Variants in PAN2 observed in about 807,000 individuals in gnomAD.
PAN2 encodes PAN2-PAN3 deadenylation complex catalytic subunit PAN2.
A neutral mutation model predicts 133.3 loss-of-function variants in PAN2; 68 were observed. That is an observed-to-expected ratio of 0.51 (90% CI 0.42 to 0.62). The LOEUF is 0.62. Ranked by LOEUF, PAN2 falls within the 20% of genes least tolerant of loss-of-function variation. PAN2 has a pLI of 0.00. For missense variants in PAN2, 1,042 were observed against 1,500.5 expected, an observed-to-expected ratio of 0.69 and a Z score of 5.05; for synonymous variants, 462 against 544.6, an observed-to-expected ratio of 0.85 and a Z score of 2.11.
intron 10 of PAN2, 32 bp downstream of exon 10, chr12:56,324,977 A>G (rs1339707571): frequency 1.1e-5 from 18 of 1,610,844 alleles, no homozygotes; most frequent in Non-Finnish European, 1.5e-5. Flanking sequence ...AGCAGCAGGC[A>G]CGTTCAAGTT....
chr12:56,325,418 C>G lies in PAN2; in HGVS notation c.1396G>C (p.Asp466His). 1 of 1,614,168 alleles carries G rather than the reference C, an allele frequency of 6.2e-7. No individual in the cohort carries two copies. Among genetic ancestry groups the G allele is most frequent in the Admixed American group, 1.7e-5 (1 of 60,028 alleles). Residue 466 changes from aspartate to histidine, a missense_variant, in exon 9 of 26, where the codon GAC (aspartate) becomes CAC (histidine). Around this residue, in one of 3 missense-constraint regions of PAN2, gnomAD observed 908 missense variants for 1,223.5 expected, o/e 0.74. Coordinates refer to ENST00000440411, the MANE Select transcript of PAN2 (RefSeq NM_014871.6). ...YRLKESDSEFDSFSQVTESPV... is the reference protein window; with the variant it reads ...YRLKESDSEFHSFSQVTESPV... ...GACTCAGTGACCTGGCTGAAGCTGT[C>G]AAATTCACTGTCTGACTCCTTGAGT...
chr12:56,325,431 T>C lies in PAN2; in HGVS notation c.1383A>G (p.Ser461=). 6.2e-7 allele frequency: 1 copy of C among 1,614,164 alleles called. No homozygotes were observed. The highest frequency in any genetic ancestry group is 8.5e-7 in the Non-Finnish European group (1 of 1,179,956). Reference sequence around the variant, plus strand: ...GGCTGAAGCTGTCAAATTCACTGTCTGACTCCTTGAGTCTGTAGGGTATCT... The same window carrying C: ...GGCTGAAGCTGTCAAATTCACTGTCCGACTCCTTGAGTCTGTAGGGTATCT... ...RNQIPYRLKE[S]DSEFDSFSQV... The change falls in exon 9 of 26, where the codon TCA becomes TCG. Residue 461 remains serine (S), a synonymous_variant. Coordinates refer to ENST00000440411, the MANE Select transcript of PAN2 (RefSeq NM_014871.6).
intron 24 of PAN2, chr12:56,318,689 C>A: frequency 2.1e-6 from 1 of 471,546 alleles, no homozygotes; most frequent in Non-Finnish European, 3.7e-6. Context: ...TCCCCCCATG[C>A]TTTTATTTTT....
chr12:56,326,172 C>T (rs1280882297), intron 8 of PAN2, 141 bp downstream of exon 8: 1 of 672,026 alleles, frequency 1.5e-6, no homozygotes, highest in East Asian at 2.9e-5. Flanking sequence ...ATCTTTGAAT[C>T]CTCCCTAACA....
Position 56,326,541 on chromosome 12 carries a change from A to G in PAN2, c.1262+76T>C, listed in dbSNP as rs550415914. 6.5e-5 allele frequency: 99 copies of G among 1,513,406 alleles called. No homozygotes were observed. In the South Asian group the frequency reaches 1.2e-3, roughly 18 times the overall value. 93.7% of individuals were successfully genotyped at this position (1,513,406 alleles called of 1,614,324 possible). On this transcript the variant is annotated intron_variant, in intron 7 of 25. Transcript: ENST00000440411. ...ATCAGGAAAGTAGTAGAATAACAAC[A>G]GGGCTAGCAGAGAATTCTGGTATCT...
chr12:56,327,038 C>T (rs908325181), intron 6 of PAN2, 79 bp from the exon 7 acceptor site: 2 of 1,239,418 alleles, frequency 1.6e-6, no homozygotes, highest in African/African-American at 3.0e-5. Context: ...ATCCTCTTCC[C>T]CTGATTTCAG....
intron 13 of PAN2, 48 bp from the exon 14 acceptor site, chr12:56,323,961 A>G: frequency 6.2e-7 from 1 of 1,606,370 alleles, no homozygotes. Flanking sequence ...CTCTACCCAC[A>G]GTTAGTCCCC....
intron 2 of PAN2, among the ~76,000 whole-genome samples, chr12:56,331,700 G>GTTTTTTTTTTTTTTTTTTT: frequency 8.0e-6 from 1 of 125,332 alleles, no homozygotes; most frequent in Non-Finnish European, 1.9e-5. Context: ...GAAGGACAGC[G>GTTTTTTTTTTTTTTTTTTT]TTTTTTTTTT....
At chr12:56,329,814 C>T (rs1875538088) in intron 2 of PAN2, among the ~76,000 whole-genome samples, 1 of 151,688 alleles carries the variant, frequency 6.6e-6, no homozygotes, top group Non-Finnish European at 1.5e-5. Context: ...CATGGTGGCA[C>T]ACACCTGTAG....
At chr12:56,317,723 T>A in intron 25 of PAN2, 80 bp from the exon 26 acceptor site, 4 of 1,272,478 alleles carry the variant, frequency 3.1e-6, no homozygotes, top group Admixed American at 1.8e-5. Flanking sequence ...GAAGGAAAAA[T>A]GCAAGAGAAA....
At chr12:56,325,208 A>C in intron 9 of PAN2, 80 bp from the exon 10 acceptor site, 1 of 1,582,216 alleles carries the variant, frequency 6.3e-7, no homozygotes, top group South Asian at 1.2e-5. Flanking sequence ...CCTTTCCTAG[A>C]GCCTTCCTCC....
chr12:56,330,043 C>T (rs1042709118), intron 2 of PAN2, among the ~76,000 whole-genome samples: 9 of 151,962 alleles, frequency 5.9e-5, no homozygotes, highest in African/African-American at 1.9e-4. Context: ...AATGTTCCTT[C>T]CCCAGATATC....
At chr12:56,330,804 TTTTC>T (rs1395695014) in intron 2 of PAN2, among the ~76,000 whole-genome samples, 12 of 151,728 alleles carry the variant, frequency 7.9e-5, no homozygotes, top group Admixed American at 5.9e-4. Flanking sequence ...GTATTTTTCT[TTTTC>T]TTTTTTTTGA....
At chr12:56,330,560 C>T (rs1387615004) in intron 2 of PAN2, among the ~76,000 whole-genome samples, 2 of 151,132 alleles carry the variant, frequency 1.3e-5, no homozygotes, top group Non-Finnish European at 3.0e-5. Context: ...GGGGTTTCAC[C>T]GTTTTAGCCG....
At chr12:56,330,353 C>CT (rs10525866) in intron 2 of PAN2, among the ~76,000 whole-genome samples, 48,288 of 90,764 alleles carry the variant, frequency 0.53, 16,990 homozygotes, top group South Asian at 0.68. Flanking sequence ...CTGTATTTTT[C>CT]TTTTTTTTTT....
At chr12:56,317,913 A>G (rs1461493163) in intron 25 of PAN2, among the ~76,000 whole-genome samples, 1 of 152,246 alleles carries the variant, frequency 6.6e-6, no homozygotes, top group Non-Finnish European at 1.5e-5. Flanking sequence ...GCTCAGGCTC[A>G]TGCCTGTAAT....
chr12:56,333,653 C>T (rs1048563943), intron 1 of PAN2: 3 of 153,258 alleles, frequency 2.0e-5, no homozygotes, highest in African/African-American at 7.2e-5. Context: ...AATAGCTACC[C>T]AGGATTCTCT....
At position 56,333,182 on chromosome 12, in the gene PAN2, C is replaced by G; in HGVS notation, c.-88G>C. On this transcript the variant is annotated 5_prime_UTR_variant, in exon 2 of 26. Coordinates refer to ENST00000440411, the MANE Select transcript of PAN2 (RefSeq NM_014871.6). ...GACCCAACCTTCAGCAAGACAGCAC[C>G]GATGGGCCTAGAATGGACATCCTGG... 1 of 1,391,552 alleles carries G rather than the reference C, an allele frequency of 7.2e-7. No individual in the cohort carries two copies. The highest frequency in any genetic ancestry group is 1.0e-6 in the Non-Finnish European group (1 of 998,208). The allele number at this position is 1,391,552 out of a possible 1,614,324, so 86.2% of individuals were successfully genotyped here. A position where few individuals can be genotyped will look rare whatever the true frequency, so the allele number is the denominator to read the frequency against.
At chr12:56,326,521 GA>G (rs1875144121) in intron 7 of PAN2, 95 bp downstream of exon 7, 2 of 1,504,652 alleles carry the variant, frequency 1.3e-6, no homozygotes, top group East Asian at 4.9e-5. Flanking sequence ...CAAAAATCAG[GA>G]AAGTAGTAGA....
Sources: gnomAD v4.1 joint callset for allele counts (sites outside exome capture counted in the v4.1 genomes callset) on GRCh38, gnomAD v4.1.1 for gene constraint, gnomAD v4.1.1 regional missense constraint, MANE v1.5 for transcripts, NCBI Gene and HGNC (gene_info 2026-07-23, HGNC 2026-07-21) for gene names.